The following ZNF215 variants were observed in gnomAD, a reference collection of about 807,000 sequenced individuals.
ZNF215 encodes the protein zinc finger protein 215, also known as BWSCR2-associated zinc finger protein 2.
A neutral mutation model predicts 27.2 loss-of-function variants in ZNF215; 24 were observed. The observed-to-expected ratio is 0.88, with a 90% CI of 0.64 to 1.24. ZNF215 has a LOEUF of 1.24. Ranked by LOEUF, ZNF215 falls within the 50% of genes most tolerant of loss-of-function variation. The pLI is 0.00. For synonymous variants in ZNF215, 210 were observed against 204.0 expected (o/e 1.03, Z -0.25); for missense variants, 675 against 605.7 (o/e 1.11, Z -1.20).
At position 6,958,010 on chromosome 11, in the gene ZNF215, T is replaced by A; in HGVS notation, c.*1479T>A. On this transcript the variant is annotated 3_prime_UTR_variant, in exon 7 of 7. Coordinates refer to ENST00000278319, the MANE Select transcript of ZNF215 (RefSeq NM_013250.4). ...TTATTCAAAGGCAGAAAAGGTATAC[T>A]GGAGTGAACTCCTATGATTAAATAA... 1.0e-6 allele frequency: 1 copy of A among 985,436 alleles called. No individual in the cohort carries two copies. The highest frequency in any genetic ancestry group is 6.1e-5 in the Admixed American group (1 of 16,284). The allele number at this position is 985,436 out of a possible 1,614,324, so 61.0% of individuals were successfully genotyped here.
chr11:6,946,069 C>T (rs1023863863), intron 6 of ZNF215, among the ~76,000 whole-genome samples: 2 of 152,048 alleles, frequency 1.3e-5, no homozygotes, highest in Non-Finnish European at 2.9e-5. Context: ...AACTTCTTCT[C>T]CTTCACTTCT....
chr11:6,940,553 C>T (rs1266827033), intron 3 of ZNF215, among the ~76,000 whole-genome samples: 1 of 152,188 alleles, frequency 6.6e-6, no homozygotes, highest in Non-Finnish European at 1.5e-5. Context: ...AAGCATTCCT[C>T]CCACCATGGC....
chr11:6,977,430 C>A (rs1289365388), intron 5 of ZNF215, among the ~76,000 whole-genome samples: 3 of 152,030 alleles, frequency 2.0e-5, no homozygotes, highest in South Asian at 2.1e-4. Context: ...TCTGTACTAT[C>A]CGAGGTTTCA....
chr11:6,976,063 T>A (rs1008248988), intron 5 of ZNF215, among the ~76,000 whole-genome samples: 4 of 152,060 alleles, frequency 2.6e-5, no homozygotes, highest in African/African-American at 9.7e-5. Context: ...TGATATGTCA[T>A]TGTAGTTTTG....
At chr11:6,935,743 A>G (rs1590048288) in intron 3 of ZNF215, among the ~76,000 whole-genome samples, 1 of 152,194 alleles carries the variant, frequency 6.6e-6, no homozygotes, top group East Asian at 1.9e-4. Flanking sequence ...TACCCAAAAA[A>G]CAACAGAAGA....
chr11:6,956,463 A>T lies in ZNF215; in HGVS notation c.1486A>T (p.Ser496Cys). Residue 496 changes from serine to cysteine, a missense_variant, in exon 7 of 7, where the codon AGT (serine) becomes TGT (cysteine). Ser to Cys is a moderately radical substitution (Grantham distance 112). Transcript: ENST00000278319. ...GAAACCATTCAAATGTAAGGAATGT[A>T]GTAAAGCCTTCAACAGGAGTTCAAA... ...GEKPFKCKEC[S>C]KAFNRSSNLV... 1 of 1,614,018 alleles carries T rather than the reference A, an allele frequency of 6.2e-7. No homozygotes were observed. The highest frequency in any genetic ancestry group is 1.1e-5 in the South Asian group (1 of 91,018).
At chr11:6,987,694 A>C (rs2857908), downstream of ZNF215, among the ~76,000 whole-genome samples, 84,288 of 152,056 alleles carry the variant, frequency 0.55, 23,833 homozygotes, top group East Asian at 0.69. Context: ...CTGAAAATGC[A>C]AAGATGCAGG....
At position 6,943,173 on chromosome 11, in the gene ZNF215, G is replaced by A. The variant is rs776992639; in HGVS notation, c.574G>A (p.Val192Met). The change falls in exon 5 of 7, where the codon GTG (valine) becomes ATG (methionine). Residue 192 changes from valine (V) to methionine (M), a missense_variant. Coordinates refer to ENST00000278319, the MANE Select transcript of ZNF215 (RefSeq NM_013250.4). ...DSAVKNLYRN[V>M]MLENFRNLNS... ...TGCTGTAAAGAACCTGTACAGGAAT[G>A]TGATGCTGGAAAACTTTAGGAACCT... 1.4e-5 allele frequency: 22 copies of A among 1,613,762 alleles called. No individual in the cohort carries two copies. Among genetic ancestry groups the A allele is most frequent in the Non-Finnish European group, 1.7e-5 (20 of 1,179,904 alleles).
chr11:6,956,970 C>T lies in ZNF215; in HGVS notation c.*439C>T, dbSNP rs1015230474. 33 of 988,892 alleles carry T rather than the reference C, an allele frequency of 3.3e-5. No homozygotes were observed. Among genetic ancestry groups the T allele is most frequent in the South Asian group, 1.4e-4 (3 of 21,604 alleles). The allele number at this position is 988,892 out of a possible 1,614,324, so 61.3% of individuals were successfully genotyped here. Reference sequence around the variant, plus strand: ...GGTCACAAGAAATCATTAGCTCATGCGAATATAAGAGAATACTTCTAAGGA... The same window carrying T: ...GGTCACAAGAAATCATTAGCTCATGTGAATATAAGAGAATACTTCTAAGGA... On this transcript the variant is annotated 3_prime_UTR_variant, in exon 7 of 7. Coordinates refer to ENST00000278319, the MANE Select transcript of ZNF215 (RefSeq NM_013250.4).
chr11:6,930,342 G>T (rs958187514), intron 2 of ZNF215, among the ~76,000 whole-genome samples: 1 of 152,074 alleles, frequency 6.6e-6, no homozygotes, highest in Admixed American at 6.5e-5. Flanking sequence ...ACTAATTTAT[G>T]TATATATACA....
chr11:6,939,557 A>G (rs1002978274), intron 3 of ZNF215, among the ~76,000 whole-genome samples: 2 of 152,190 alleles, frequency 1.3e-5, no homozygotes, highest in Non-Finnish European at 2.9e-5. Flanking sequence ...GATCAGAACA[A>G]TTTCCAAGAT....
chr11:6,976,456 C>T (rs1242332894), intron 5 of ZNF215, among the ~76,000 whole-genome samples: 3 of 151,894 alleles, frequency 2.0e-5, no homozygotes, highest in Non-Finnish European at 2.9e-5. Context: ...GATGAAGAAG[C>T]GCCTACATTG....
intron 5 of ZNF215, among the ~76,000 whole-genome samples, chr11:6,972,307 A>AAATATT (rs1850734007): frequency 6.6e-6 from 1 of 152,088 alleles, no homozygotes; most frequent in Non-Finnish European, 1.5e-5. Flanking sequence ...ATGAATGGGT[A>AAATATT]TGACTGTTAA....
At chr11:6,983,692 A>C (rs1395292208) in intron 5 of ZNF215, among the ~76,000 whole-genome samples, 2 of 152,202 alleles carry the variant, frequency 1.3e-5, no homozygotes, top group Non-Finnish European at 2.9e-5. Flanking sequence ...ACATTGTTTT[A>C]AACTTGTTAA....
chr11:6,939,060 A>T (rs982414061), intron 3 of ZNF215, among the ~76,000 whole-genome samples: 1 of 152,178 alleles, frequency 6.6e-6, no homozygotes, highest in Admixed American at 6.5e-5. Flanking sequence ...TAAAAATTGA[A>T]AGGATAGGAA....
intron 5 of ZNF215, among the ~76,000 whole-genome samples, chr11:6,974,310 G>T (rs989825787): frequency 6.6e-6 from 1 of 152,178 alleles, no homozygotes; most frequent in Non-Finnish European, 1.5e-5. Context: ...TTGTAGTATA[G>T]TTTGAAGTCA....
intron 2 of ZNF215, among the ~76,000 whole-genome samples, chr11:6,930,857 A>G (rs993097843): frequency 1.3e-5 from 2 of 152,218 alleles, no homozygotes; most frequent in African/African-American, 2.4e-5. Flanking sequence ...TGGGATAGAA[A>G]CTCATGTATC....
chr11:6,988,597 G>A (rs1851084901), downstream of ZNF215: 1 of 152,122 alleles, frequency 6.6e-6, no homozygotes, highest in Admixed American at 6.5e-5. Flanking sequence ...TGAACTTGTT[G>A]AGGGCAAGAC....
intron 5 of ZNF215, among the ~76,000 whole-genome samples, chr11:6,975,646 C>T (rs574577488): frequency 8.5e-5 from 13 of 152,064 alleles, no homozygotes; most frequent in African/African-American, 2.7e-4. Context: ...CTTAGATCTC[C>T]GGTTCTATCC....
Sources: allele counts gnomAD v4.1 joint callset (sites outside exome capture counted in the v4.1 genomes callset), GRCh38; gene constraint gnomAD v4.1.1; transcripts MANE v1.5; gene names NCBI Gene and HGNC (gene_info 2026-07-23, HGNC 2026-07-21).